CD99: variants seen among roughly 807,000 people sequenced by gnomAD.
CD99 encodes CD99 antigen.
Under a neutral mutation model 28.4 loss-of-function variants are expected in CD99, and 19 were observed. The ratio of observed to expected loss-of-function variants is 0.67; its 90% CI spans 0.47 to 0.98. CD99 has a LOEUF of 0.98. CD99 is among the 50% of genes least tolerant of loss of function. The probability of loss-of-function intolerance (pLI) is 0.00; values close to 1 mark genes in which losing one functional copy is unlikely to be tolerated. For synonymous variants in CD99, 103 were observed against 92.1 expected, an observed-to-expected ratio of 1.12 and a Z score of -0.67; for missense variants, 283 against 248.8, an observed-to-expected ratio of 1.14 and a Z score of -0.92.
At chrX:2,716,263 C>G (rs757556539) in intron 2 of CD99, among the ~76,000 whole-genome samples, 8 of 152,134 alleles carry the variant, frequency 5.3e-5, no homozygotes, top group African/African-American at 1.2e-4. Context: ...GTGATCTGCC[C>G]GCCTTGGCCT....
intron 8 of CD99, chrX:2,733,311 A>T (rs1292483210): frequency 6.4e-7 from 1 of 1,551,004 alleles, no homozygotes; most frequent in South Asian, 1.2e-5. Flanking sequence ...GCACCAGTTT[A>T]CTTTTTGTAT....
intron 6 of CD99, among the ~76,000 whole-genome samples, chrX:2,723,079 G>T (rs2049079541): frequency 1.3e-5 from 2 of 152,184 alleles, no homozygotes; most frequent in South Asian, 4.1e-4. Context: ...TAGTGATAAT[G>T]CCTGGGAGTA....
At chrX:2,730,081 GAATTGGAGGCTGCAGTAAGCCATGA>G (rs2049511630) in intron 8 of CD99, among the ~76,000 whole-genome samples, 1 of 152,132 alleles carries the variant, frequency 6.6e-6, no homozygotes, top group Non-Finnish European at 1.5e-5. Flanking sequence ...TTGAGCCCAG[GAATTGGAGGCTGCAGTAAGCCATGA>G]TTGCACCACT....
At position 2,719,693 on chromosome X, in the gene CD99, G is replaced by C. The variant is rs1302902073; in HGVS notation, c.181G>C (p.Asp61His). 2 of 1,613,854 alleles carry C rather than the reference G, an allele frequency of 1.2e-6. No homozygotes were observed. The highest frequency in any genetic ancestry group is 3.3e-5 in the Admixed American group (2 of 60,012). ...CTTTGACTTAGGAGATGCTGTTGTT[G>C]ATGGAGAAAATGGTGAGTATTTTCC... The part of the protein sequence containing the change: ...DDFDLGDAVV[D>H]GENDDPRPPN... Residue 61 changes from aspartate to histidine, a missense_variant, in exon 4 of 10, where the codon GAT (aspartate) becomes CAT (histidine). Coordinates refer to ENST00000381192, the MANE Select transcript of CD99 (RefSeq NM_002414.5).
intron 5 of CD99, among the ~76,000 whole-genome samples, chrX:2,721,075 A>C (rs1044055143): frequency 2.6e-5 from 4 of 152,074 alleles, no homozygotes; most frequent in African/African-American, 9.7e-5. Context: ...TTCTGCCCTT[A>C]AATATTTAAG....
intron 8 of CD99, among the ~76,000 whole-genome samples, chrX:2,730,883 T>C (rs1256173715): frequency 6.8e-6 from 1 of 146,148 alleles, no homozygotes; most frequent in Admixed American, 6.9e-5. Context: ...TGAGCCAAGA[T>C]TGTGCCACCA....
chrX:2,727,148 C>T, intron 8 of CD99: 2 of 683,236 alleles, frequency 2.9e-6, no homozygotes, highest in Non-Finnish European at 5.5e-6. Flanking sequence ...AAAAACAAAA[C>T]AAAACAAAAA....
intron 1 of CD99, among the ~76,000 whole-genome samples, chrX:2,695,115 T>C (rs2047511811): frequency 6.6e-6 from 1 of 152,166 alleles, no homozygotes; most frequent in Admixed American, 6.5e-5. Flanking sequence ...TGAGCACTCT[T>C]GTTACTTTAG....
At chrX:2,712,460 A>G (rs774146124) in intron 1 of CD99, among the ~76,000 whole-genome samples, 9 of 152,300 alleles carry the variant, frequency 5.9e-5, no homozygotes, top group Non-Finnish European at 8.8e-5. Context: ...ACAGATTTCT[A>G]TGGAAACATA....
intron 1 of CD99, 53 bp downstream of exon 1, chrX:2,691,480 C>A: frequency 6.5e-7 from 1 of 1,536,034 alleles, no homozygotes; most frequent in Non-Finnish European, 8.7e-7. Context: ...CGGGCCGGGA[C>A]TGGGGATCCG....
At chrX:2,708,383 C>T (rs1299430471) in intron 1 of CD99, among the ~76,000 whole-genome samples, 2 of 152,078 alleles carry the variant, frequency 1.3e-5, no homozygotes, top group Admixed American at 1.3e-4. Context: ...AAGTGTTAGT[C>T]ACCCGAGGAG....
At chrX:2,708,266 C>T (rs1176171823) in intron 1 of CD99, among the ~76,000 whole-genome samples, 2 of 152,068 alleles carry the variant, frequency 1.3e-5, no homozygotes, top group Non-Finnish European at 2.9e-5. Flanking sequence ...AGGGAGTGAA[C>T]GTCTGATTAT....
At chrX:2,704,011 A>T (rs1332345009) in intron 1 of CD99, among the ~76,000 whole-genome samples, 1 of 151,948 alleles carries the variant, frequency 6.6e-6, no homozygotes. Flanking sequence ...CTTCAGCATC[A>T]CCCTGGAGTT....
At chrX:2,740,279 T>G (rs2050139786) in intron 9 of CD99, among the ~76,000 whole-genome samples, 1 of 152,196 alleles carries the variant, frequency 6.6e-6, no homozygotes, top group Admixed American at 6.5e-5. Context: ...CCTCGTGACT[T>G]GAAGGGCGTG....
At chrX:2,714,890 T>C (rs924043991) in intron 2 of CD99, 3 of 157,316 alleles carry the variant, frequency 1.9e-5, no homozygotes, top group Non-Finnish European at 2.8e-5. Flanking sequence ...ACTAGACTCA[T>C]AGATGACGAG....
rs929820690 is a variant in CD99, at chrX:2,740,650, G to A, written c.533-129G>A. On this transcript the variant is annotated intron_variant, in intron 9 of 9. Coordinates refer to ENST00000381192, the MANE Select transcript of CD99 (RefSeq NM_002414.5). ...TTGAGATTTAGGGTTTTGCTTTCTC[G>A]TGATGAGTTTTGGGCCCATTTTTCT... is the stretch of plus-strand genomic sequence containing the variant. 13 of 754,116 alleles carry A rather than the reference G, an allele frequency of 1.7e-5. No homozygotes were observed. The Middle Eastern group carries it at 1.1e-3, about 65-fold the overall frequency. The allele number at this position is 754,116 out of a possible 1,614,324, so 46.7% of individuals were successfully genotyped here.
chrX:2,740,662 G>A, intron 9 of CD99, 117 bp from the exon 10 acceptor site: 2 of 909,264 alleles, frequency 2.2e-6, no homozygotes, highest in Middle Eastern at 2.4e-4. Context: ...GATGAGTTTT[G>A]GGCCCATTTT....
intron 1 of CD99, among the ~76,000 whole-genome samples, chrX:2,696,597 T>G (rs2047587707): frequency 6.6e-6 from 1 of 152,050 alleles, no homozygotes; most frequent in African/African-American, 2.4e-5. Context: ...GAGGTGGAGT[T>G]TCACCATCTT....
chrX:2,717,440 G>C, intron 2 of CD99, 165 bp from the exon 3 acceptor site: 2 of 626,600 alleles, frequency 3.2e-6, no homozygotes, highest in South Asian at 2.1e-5. Flanking sequence ...CTGGGCTCAA[G>C]AGTCGTTGTA....
Sources: gnomAD v4.1 joint callset for allele counts (sites outside exome capture counted in the v4.1 genomes callset) on GRCh38, gnomAD v4.1.1 for gene constraint, MANE v1.5 for transcripts, NCBI Gene and HGNC (gene_info 2026-07-23, HGNC 2026-07-21) for gene names.